ATG4C: variants seen among roughly 807,000 people sequenced by gnomAD.
ATG4C encodes cysteine protease ATG4C.
Under a neutral mutation model 57.6 loss-of-function variants are expected in ATG4C, and 56 were observed. The ratio of observed to expected loss-of-function variants is 0.97; its 90% confidence interval spans 0.78 to 1.21. ATG4C has a LOEUF of 1.21. ATG4C is among the 50% of genes most tolerant of loss of function. The pLI is 0.00. For synonymous variants in ATG4C, 157 were observed against 174.1 expected, an observed-to-expected ratio of 0.90 and a Z score of 0.78; for missense variants, 595 against 529.8, an observed-to-expected ratio of 1.12 and a Z score of -1.21.
chr1:62,816,576 T>C lies in ATG4C; in HGVS notation c.162T>C (p.Asp54=). The C allele has an allele frequency of 6.3e-7, 1 of 1,596,772 alleles. No homozygotes were observed. The highest frequency in any genetic ancestry group is 8.5e-7 in the Non-Finnish European group (1 of 1,170,992). Residue 54 remains aspartate (D), a splice_region_variant and synonymous_variant, in exon 4 of 11, where the codon GAT becomes GAC. Coordinates refer to ENST00000317868, the MANE Select transcript of ATG4C (RefSeq NM_032852.4). ...LGKCYHFKYE[D]EDKTLPAESG... ...TTAGACCGTATGTTTATTTTTTAGA[T>C]GAAGATAAAACGTTACCTGCAGAGT...
Position 62,828,037 on chromosome 1 carries a change from A to G in ATG4C, c.797-1003A>G, listed in dbSNP as rs138615119. Among the ~76,000 whole-genome samples, 287 of 152,140 alleles carry G rather than the reference A, an allele frequency of 1.9e-3. 2 individuals carry two copies. The highest frequency in any genetic ancestry group is 6.3e-3 in the African/African-American group (260 of 41,514). On this transcript the variant is annotated intron_variant, in intron 6 of 10. Coordinates refer to ENST00000317868, the MANE Select transcript of ATG4C (RefSeq NM_032852.4). ...GTATTCCATGGTGTATATGTACCAC[A>G]TTTTCTTAACTGTGAGATGGGCACT...
intron 10 of ATG4C, among the ~76,000 whole-genome samples, chr1:62,854,785 A>G (rs1382340959): frequency 6.6e-6 from 1 of 152,138 alleles, no homozygotes; most frequent in Non-Finnish European, 1.5e-5. Flanking sequence ...ACATGTTAGT[A>G]AGTGGTGGTC....
intron 10 of ATG4C, among the ~76,000 whole-genome samples, chr1:62,852,575 C>T (rs1318176921): frequency 6.6e-6 from 1 of 152,010 alleles, no homozygotes; most frequent in Non-Finnish European, 1.5e-5. Context: ...ACTCCCACTA[C>T]AGTTATAACA....
At chr1:62,855,073 G>A (rs979315470) in intron 10 of ATG4C, among the ~76,000 whole-genome samples, 3 of 152,072 alleles carry the variant, frequency 2.0e-5, no homozygotes, top group African/African-American at 7.2e-5. Context: ...GGGGGGTGAA[G>A]AAGGGTATTG....
In ATG4C at chr1:62,819,184, C is replaced by T. The variant is rs901516988; in HGVS notation, c.574C>T (p.Arg192Ter). The change falls in exon 5 of 11, where the codon CGA (arginine) becomes TGA (stop). Residue 192 changes from arginine (R) to a stop codon, truncating the protein, a stop_gained. Coordinates refer to ENST00000317868, the MANE Select transcript of ATG4C (RefSeq NM_032852.4). LOFTEE classifies it high-confidence loss of function. ...GAAATATTCTGATGATCATGAAATGCGAAATGAAGTTTATCATAGGAAAAT... is the reference window on the plus strand; with the variant it reads ...GAAATATTCTGATGATCATGAAATGTGAAATGAAGTTTATCATAGGAAAAT... ...IGKYSDDHEM[R>*]NEVYHRKIIS... 1.1e-5 allele frequency: 17 copies of T among 1,613,298 alleles called. No homozygotes were observed. Among genetic ancestry groups the T allele is most frequent in the East Asian group, 8.9e-5 (4 of 44,854 alleles).
chr1:62,826,646 G>T (rs1665668172), intron 6 of ATG4C, among the ~76,000 whole-genome samples: 1 of 150,882 alleles, frequency 6.6e-6, no homozygotes, highest in African/African-American at 2.4e-5. Context: ...GCAACGTGCA[G>T]GTTTGTTACA....
At chr1:62,802,674 T>G (rs569493668) in intron 1 of ATG4C, among the ~76,000 whole-genome samples, 1 of 152,248 alleles carries the variant, frequency 6.6e-6, no homozygotes, top group Admixed American at 6.5e-5. Context: ...AGAACAAAAT[T>G]TTTAACCTGG....
In ATG4C at chr1:62,856,820, C is replaced by A. The variant is rs191467311; in HGVS notation, c.1210-7172C>A. Among the ~76,000 whole-genome samples the A allele has an allele frequency of 3.3e-5, 5 of 152,196 alleles. No individual in the cohort carries two copies. The East Asian group carries it at 9.7e-4, about 29-fold the overall frequency. On this transcript the variant is annotated intron_variant, in intron 10 of 10. Transcript: ENST00000317868. ...GATGATAGAAACATCCTGAGCAGAA[C>A]CACCAAGGTCAAATGTTGGGGGAAA...
rs2100318876 is a variant in ATG4C, at chr1:62,819,203, G to C, written c.593G>C (p.Arg198Thr). Residue 198 changes from arginine (R) to threonine (T), a missense_variant, in exon 5 of 11, where the codon AGG (arginine) becomes ACG (threonine). Arg to Thr is a moderately conservative substitution (Grantham distance 71). Coordinates refer to ENST00000317868, the MANE Select transcript of ATG4C (RefSeq NM_032852.4). ...GAAATGCGAAATGAAGTTTATCATA[G>C]GAAAATCATCTCTTGGTTTGGTGAT... Reference protein sequence around the residue: ...DHEMRNEVYHRKIISWFGDSP... With the variant: ...DHEMRNEVYHTKIISWFGDSP... 6.2e-7 allele frequency: 1 copy of C among 1,613,544 alleles called. No homozygotes were observed. The highest frequency in any genetic ancestry group is 2.2e-5 in the East Asian group (1 of 44,834).
chr1:62,845,120 A>G lies in ATG4C; in HGVS notation c.1209+3573A>G, dbSNP rs76231402. On this transcript the variant is annotated intron_variant, in intron 10 of 10. Transcript: ENST00000317868. ...CTTTAAGTAGGGTTACATTAGATAT[A>G]CTAGATACATTACAGTGGAATTTCT... 2.0e-3 allele frequency among the ~76,000 whole-genome samples: 309 copies of G among 152,130 alleles called. 2 individuals carry two copies. Among genetic ancestry groups the G allele is most frequent in the Admixed American group, 0.012 (184 of 15,262 alleles).
chr1:62,858,604 T>G (rs1459578103), intron 10 of ATG4C, among the ~76,000 whole-genome samples: 2 of 151,980 alleles, frequency 1.3e-5, no homozygotes, highest in Non-Finnish European at 2.9e-5. Context: ...AAGGAGGAGA[T>G]AGAGAAGAAA....
chr1:62,790,730 G>C (rs891212205), intron 1 of ATG4C, among the ~76,000 whole-genome samples: 4 of 152,158 alleles, frequency 2.6e-5, no homozygotes, highest in Non-Finnish European at 5.9e-5. Context: ...TAAGTTTTAA[G>C]ACTTGTAAGC....
At chr1:62,801,802 C>G (rs189019314) in intron 1 of ATG4C, among the ~76,000 whole-genome samples, 1 of 151,244 alleles carries the variant, frequency 6.6e-6, no homozygotes, top group Non-Finnish European at 1.5e-5. Flanking sequence ...ACTAAAAGTA[C>G]AAAAAATTAG....
chr1:62,864,118 CAATT>C lies in ATG4C; in HGVS notation c.1339_1342del (p.Leu447LysfsTer14), dbSNP rs758643022. The C allele has an allele frequency of 5.6e-6, 9 of 1,606,696 alleles. No homozygotes were observed. The highest frequency in any genetic ancestry group is 4.5e-5 in the South Asian group (4 of 89,666). On this transcript the variant is annotated frameshift_variant, in exon 11 of 11. Transcript: ENST00000317868. LOFTEE classifies it high-confidence loss of function. ...CCTTTTTTCAGAGGATGAAAAGAAA[CAATT>C]AAAAAGATTTAGCACGGAAGAGTTT...
intron 1 of ATG4C, among the ~76,000 whole-genome samples, chr1:62,801,367 C>T (rs1015216908): frequency 6.6e-5 from 10 of 152,192 alleles, no homozygotes; most frequent in Admixed American, 6.5e-4. Flanking sequence ...ATTGACATCC[C>T]GAGAATATAT....
chr1:62,806,808 A>G lies in ATG4C; in HGVS notation c.160+1553A>G, dbSNP rs541611748. On this transcript the variant is annotated intron_variant, in intron 3 of 10. Coordinates refer to ENST00000317868, the MANE Select transcript of ATG4C (RefSeq NM_032852.4). ...GAGGATTTTTTCTGGAAAAAGGTGA[A>G]ATTTGGCATCTGGGATGAAAAAAAC... 3.8e-4 allele frequency among the ~76,000 whole-genome samples: 58 copies of G among 152,282 alleles called. 1 individual carries two copies. The highest frequency in any genetic ancestry group is 3.5e-4 in the Non-Finnish European group (24 of 68,020).
intron 3 of ATG4C, among the ~76,000 whole-genome samples, chr1:62,810,711 G>GTTT (rs10677674): frequency 1.3e-4 from 19 of 141,560 alleles, no homozygotes; most frequent in East Asian, 2.0e-4. Flanking sequence ...TTGAGTCCTT[G>GTTT]TTTTTTTTTT....
chr1:62,848,162 G>A (rs921746749), intron 10 of ATG4C, among the ~76,000 whole-genome samples: 6 of 151,822 alleles, frequency 4.0e-5, no homozygotes, highest in Non-Finnish European at 8.8e-5. Flanking sequence ...TTGTTTGTTT[G>A]TTTTATACAT....
intron 9 of ATG4C, chr1:62,835,481 G>A: frequency 4.0e-6 from 1 of 250,902 alleles, no homozygotes; most frequent in Admixed American, 5.2e-5. Context: ...TTCCCAGTTG[G>A]TGCTTTTACA....
Sources: allele counts gnomAD v4.1 joint callset (sites outside exome capture counted in the v4.1 genomes callset), GRCh38; gene constraint gnomAD v4.1.1; transcripts MANE v1.5; gene names NCBI Gene and HGNC (gene_info 2026-07-23, HGNC 2026-07-21).